The following TAB3 variants were observed in gnomAD, a reference collection of about 807,000 sequenced individuals.
The protein encoded by TAB3 is TGF-beta activated kinase 1 (MAP3K7) binding protein 3.
TAB3 carries 18 observed loss-of-function variants against 48.1 expected under a neutral mutation model. The ratio of observed to expected loss-of-function variants is 0.37; its 90% CI spans 0.26 to 0.55. TAB3 has a LOEUF of 0.55. TAB3 is among the 20% of genes least tolerant of loss of function. The pLI, the probability that TAB3 is intolerant of heterozygous loss-of-function variation, is 0.78. For missense variants in TAB3, 414 were observed against 549.8 expected (o/e 0.75, Z 2.47); for synonymous variants, 185 against 190.2 (o/e 0.97, Z 0.22).
At chrX:30,840,019 T>C (rs1938386527) in intron 9 of TAB3, among the ~76,000 whole-genome samples, 1 of 106,269 alleles carries the variant, frequency 9.4e-6, no homozygotes, top group Admixed American at 1.0e-4. Context: ...GATTATATTG[T>C]TCAGGAAATC....
At chrX:30,838,812 A>C (rs1040334605) in intron 9 of TAB3, among the ~76,000 whole-genome samples, 2 of 111,829 alleles carry the variant, frequency 1.8e-5, no homozygotes, top group Non-Finnish European at 3.8e-5. Flanking sequence ...TTATTTTCCA[A>C]GTGTTTACTG....
At chrX:30,867,270 A>G (rs1363570307) in intron 3 of TAB3, 52 bp from the exon 4 acceptor site, 1 of 112,079 alleles carries the variant, frequency 8.9e-6, no homozygotes, top group Non-Finnish European at 1.9e-5. Flanking sequence ...ATCTGAATAT[A>G]GACTTCAGTT....
At chrX:30,868,282 T>C (rs113607106) in intron 2 of TAB3, among the ~76,000 whole-genome samples, 911 of 59,902 alleles carry the variant, frequency 0.015, 111 homozygotes, top group African/African-American at 0.066. Flanking sequence ...TTCTGTTTAG[T>C]TCTGTTTAGT....
chrX:30,836,551 G>T (rs1938220676), intron 9 of TAB3: 1 of 112,098 alleles, frequency 8.9e-6, no homozygotes, highest in South Asian at 3.7e-4. Context: ...TCATAGAAAA[G>T]AGTCTTTCAG....
chrX:30,853,262 G>A lies in TAB3; in HGVS notation c.1550-324C>T, dbSNP rs778093383. On this transcript the variant is annotated intron_variant, in intron 6 of 10. Transcript: ENST00000288422. The stretch of plus-strand genomic sequence containing the variant: ...ATACTGAAAGAAAACTAAATTCTCC[G>A]GTTATCTTGAAACAATCTGAATAGA... 1.2e-4 allele frequency among the ~76,000 whole-genome samples: 13 copies of A among 112,105 alleles called. No homozygotes were observed. In the South Asian group the frequency reaches 2.2e-3, roughly 19 times the overall value.
In TAB3 at chrX:30,852,875, T is replaced by C. The variant is rs1197127495; in HGVS notation, c.1613A>G (p.Glu538Gly). ...TTCAGACTTCAACCGCTCTAGCTCC[T>C]CTTTCTCAAGTTTCAGTTGCTTTGC... ...RLAKQLKLEK[E>G]ELERLKSEVN... Residue 538 changes from glutamate to glycine, a missense_variant, in exon 7 of 11, where the codon GAG (glutamate) becomes GGG (glycine). Coordinates refer to ENST00000288422, the MANE Select transcript of TAB3 (RefSeq NM_152787.5). The C allele has an allele frequency of 1.7e-6, 2 of 1,211,580 alleles. No homozygotes were observed. Among genetic ancestry groups the C allele is most frequent in the East Asian group, 5.9e-5 (2 of 33,857 alleles).
chrX:30,852,193 A>G (rs1309579879), intron 7 of TAB3, among the ~76,000 whole-genome samples: 2 of 112,056 alleles, frequency 1.8e-5, no homozygotes, highest in East Asian at 2.8e-4. Context: ...ATATTAACCA[A>G]CATGTTAAAA....
At chrX:30,868,063 A>AT (rs112084797) in intron 2 of TAB3, among the ~76,000 whole-genome samples, 1 of 104,217 alleles carries the variant, frequency 9.6e-6, no homozygotes, top group African/African-American at 3.5e-5. Flanking sequence ...TACCTGGCTA[A>AT]TTTTTTTATT....
At chrX:30,877,102 GAGGTGGGGAGAT>G (rs1349908363) in intron 1 of TAB3, among the ~76,000 whole-genome samples, 1 of 112,180 alleles carries the variant, frequency 8.9e-6, no homozygotes, top group African/African-American at 3.2e-5. Flanking sequence ...AGCAGGGGCA[GAGGTGGGGAGAT>G]TACTTTCAAA....
chrX:30,830,968 G>C lies in TAB3; in HGVS notation c.*459C>G, dbSNP rs1938012598. 1 of 90,633 alleles carries C rather than the reference G, an allele frequency of 1.1e-5. No homozygotes were observed. Among genetic ancestry groups the C allele is most frequent in the Admixed American group, 1.6e-4 (1 of 6,190 alleles). The allele number at this position is 90,633 out of a possible 1,213,427, so 7.5% of individuals were successfully genotyped here. On this transcript the variant is annotated 3_prime_UTR_variant, in exon 11 of 11. Coordinates refer to ENST00000288422, the MANE Select transcript of TAB3 (RefSeq NM_152787.5). The stretch of plus-strand genomic sequence containing the variant: ...TTCCTGTTGTCCTCTTTAGTAGGAA[G>C]CAATGGGAAGAAGCACGGGGAGCCT...
chrX:30,871,049 T>C (rs984896097), intron 2 of TAB3, among the ~76,000 whole-genome samples: 9 of 112,558 alleles, frequency 8.0e-5, no homozygotes, highest in Non-Finnish European at 1.5e-4. Context: ...AAACAGATGT[T>C]ATAAAAAGTG....
At chrX:30,850,589 G>A (rs763006182) in intron 7 of TAB3, among the ~76,000 whole-genome samples, 1 of 109,036 alleles carries the variant, frequency 9.2e-6, no homozygotes, top group South Asian at 4.0e-4. Flanking sequence ...GCACACTCCT[G>A]TAATCGCAGC....
intron 10 of TAB3, among the ~76,000 whole-genome samples, chrX:30,833,602 C>T (rs910852795): frequency 2.7e-5 from 3 of 110,111 alleles, no homozygotes; most frequent in South Asian, 3.9e-4. Flanking sequence ...GAGGCTGAGG[C>T]GGGTGGATCA....
intron 5 of TAB3, among the ~76,000 whole-genome samples, chrX:30,858,514 T>C (rs1271723899): frequency 2.7e-5 from 3 of 111,835 alleles, no homozygotes; most frequent in Non-Finnish European, 5.6e-5. Flanking sequence ...CATTGTTCTC[T>C]GAGTCTCTAT....
At chrX:30,835,942 A>ACTGGTTTCTTTTTACTGGTT (rs1938194843) in intron 9 of TAB3, 1 of 112,411 alleles carries the variant, frequency 8.9e-6, no homozygotes, top group African/African-American at 3.2e-5. Context: ...TTACTGGTTT[A>ACTGGTTTCTTTTTACTGGTT]TCTTTTTTCT....
At chrX:30,851,778 G>C (rs1938859727) in intron 7 of TAB3, among the ~76,000 whole-genome samples, 1 of 111,741 alleles carries the variant, frequency 8.9e-6, no homozygotes, top group African/African-American at 3.3e-5. Context: ...ATGAGGAAAG[G>C]CTTCATGGAA....
chrX:30,876,899 G>C (rs965493690), intron 1 of TAB3, among the ~76,000 whole-genome samples: 1 of 111,434 alleles, frequency 9.0e-6, no homozygotes, highest in African/African-American at 3.3e-5. Flanking sequence ...TAAGAAACAT[G>C]GAAGATACAG....
chrX:30,883,614 T>A (rs1940054333), intron 1 of TAB3, among the ~76,000 whole-genome samples: 1 of 111,782 alleles, frequency 8.9e-6, no homozygotes, highest in African/African-American at 3.3e-5. Flanking sequence ...AGGAGAGAGT[T>A]CTCTTCCCAA....
chrX:30,873,416 T>G (rs2147398072), intron 1 of TAB3, among the ~76,000 whole-genome samples: 1 of 107,101 alleles, frequency 9.3e-6, no homozygotes, highest in Admixed American at 9.9e-5. Context: ...TCCCAGCTAC[T>G]CGGGAGGCTG....
Sources: allele counts gnomAD v4.1 joint callset (sites outside exome capture counted in the v4.1 genomes callset), GRCh38; gene constraint gnomAD v4.1.1; transcripts MANE v1.5; gene names NCBI Gene and HGNC (gene_info 2026-07-23, HGNC 2026-07-21).